GRID2: variants seen among roughly 807,000 people sequenced by gnomAD.
GRID2 encodes glutamate receptor ionotropic, delta-2.
A neutral mutation model predicts 114.8 loss-of-function variants in GRID2; 33 were observed. The observed-to-expected ratio is 0.29, with a 90% CI of 0.22 to 0.38. The LOEUF (loss-of-function observed/expected upper bound fraction) is 0.38, where lower values mean the gene tolerates loss of function less well. Among genes scored for constraint, GRID2 ranks in the 10% least tolerant of loss-of-function variants. The probability of loss-of-function intolerance (pLI) is 1.00; values close to 1 mark genes in which losing one functional copy is unlikely to be tolerated. For synonymous variants in GRID2, 505 were observed against 449.9 expected, an observed-to-expected ratio of 1.12 and a Z score of -1.55; for missense variants, 1,184 against 1,257.7, an observed-to-expected ratio of 0.94 and a Z score of 0.89.
At chr4:93,288,851 G>A (rs1057175527) in intron 8 of GRID2, among the ~76,000 whole-genome samples, 1 of 152,070 alleles carries the variant, frequency 6.6e-6, no homozygotes, top group African/African-American at 2.4e-5. Flanking sequence ...CCTGTATTGT[G>A]TGAATAGCAG....
intron 8 of GRID2, among the ~76,000 whole-genome samples, chr4:93,294,743 A>G (rs1754112005): frequency 6.6e-6 from 1 of 151,896 alleles, no homozygotes; most frequent in Non-Finnish European, 1.5e-5. Context: ...TATTTTCAGT[A>G]CAGATGGAGT....
intron 12 of GRID2, among the ~76,000 whole-genome samples, chr4:93,496,120 T>TA (rs34078987): frequency 0.32 from 44,724 of 141,632 alleles, 7,851 homozygotes; most frequent in African/African-American, 0.48. Context: ...TTCCTGATTG[T>TA]AAAAAAAAAA....
At chr4:93,726,953 T>C (rs182554441) in intron 14 of GRID2, among the ~76,000 whole-genome samples, 20 of 152,334 alleles carry the variant, frequency 1.3e-4, no homozygotes, top group African/African-American at 4.8e-4. Flanking sequence ...TGACTTCCTC[T>C]TTTCCTAAGT....
At chr4:93,037,266 A>G (rs1725017690) in intron 2 of GRID2, among the ~76,000 whole-genome samples, 1 of 152,166 alleles carries the variant, frequency 6.6e-6, no homozygotes, top group Non-Finnish European at 1.5e-5. Flanking sequence ...CTTCTTGAGG[A>G]AGGAGAAAGA....
intron 1 of GRID2, among the ~76,000 whole-genome samples, chr4:92,406,858 C>T (rs1280534330): frequency 2.0e-5 from 3 of 151,882 alleles, no homozygotes; most frequent in African/African-American, 7.3e-5. Flanking sequence ...TCAGCTACAT[C>T]CATGTTGCTG....
At chr4:92,884,934 C>G (rs1746267672) in intron 2 of GRID2, 1 of 331,032 alleles carries the variant, frequency 3.0e-6, no homozygotes, top group African/African-American at 2.2e-5. Context: ...TTTGGTCTCC[C>G]CAAAAAAAAA....
intron 2 of GRID2, among the ~76,000 whole-genome samples, chr4:92,805,089 CTAT>C (rs1740346335): frequency 6.6e-6 from 1 of 151,904 alleles, no homozygotes; most frequent in Non-Finnish European, 1.5e-5. Flanking sequence ...AGATAGGTAA[CTAT>C]TATTATCTCA....
At chr4:93,678,295 A>C (rs557326879) in intron 14 of GRID2, among the ~76,000 whole-genome samples, 1 of 152,180 alleles carries the variant, frequency 6.6e-6, no homozygotes, top group Non-Finnish European at 1.5e-5. Flanking sequence ...CCAAATCTGC[A>C]TCTGATTGGT....
chr4:92,916,741 T>G (rs560464211), intron 2 of GRID2, among the ~76,000 whole-genome samples: 15 of 152,332 alleles, frequency 9.8e-5, no homozygotes, highest in Non-Finnish European at 1.8e-4. Flanking sequence ...GTGCCACATT[T>G]TCTTAATCCA....
rs566853965 is a variant in GRID2, at chr4:92,438,174, A to C, written c.88+133430A>C. ...ATAAAAATGTATGCCAATAAATTTC[A>C]TGAATATCTCACCTTTTTTTTTCCT... On this transcript the variant is annotated intron_variant, in intron 1 of 15. Coordinates refer to ENST00000282020, the MANE Select transcript of GRID2 (RefSeq NM_001510.4). Among the ~76,000 whole-genome samples the C allele has an allele frequency of 5.3e-5, 8 of 152,304 alleles. 1 individual carries two copies. In the South Asian group the frequency reaches 1.7e-3, roughly 32 times the overall value.
intron 1 of GRID2, among the ~76,000 whole-genome samples, chr4:92,402,024 G>A (rs757583003): frequency 4.6e-5 from 7 of 152,118 alleles, no homozygotes; most frequent in East Asian, 1.9e-4. Context: ...TTTCAACAAT[G>A]TTTGCAGCAT....
At chr4:92,805,095 T>A (rs981482747) in intron 2 of GRID2, among the ~76,000 whole-genome samples, 1 of 152,032 alleles carries the variant, frequency 6.6e-6, no homozygotes, top group Non-Finnish European at 1.5e-5. Flanking sequence ...GTAACTATTA[T>A]TATCTCATTT....
intron 1 of GRID2, among the ~76,000 whole-genome samples, chr4:92,405,908 A>G (rs1048563964): frequency 1.3e-5 from 2 of 152,134 alleles, no homozygotes; most frequent in African/African-American, 2.4e-5. Context: ...AAATTACACA[A>G]TCACAAGGTC....
chr4:93,454,159 T>C (rs1722969861), intron 10 of GRID2, among the ~76,000 whole-genome samples: 1 of 152,040 alleles, frequency 6.6e-6, no homozygotes, highest in African/African-American at 2.4e-5. Flanking sequence ...CAGTTAATAA[T>C]TGTAGATCCA....
chr4:92,581,071 C>A (rs1728162391), intron 1 of GRID2, among the ~76,000 whole-genome samples: 1 of 151,692 alleles, frequency 6.6e-6, no homozygotes, highest in South Asian at 2.1e-4. Context: ...ACATAGCACA[C>A]AAGGTTCTGG....
intron 13 of GRID2, among the ~76,000 whole-genome samples, chr4:93,554,655 G>T (rs188247829): frequency 1.3e-5 from 2 of 152,222 alleles, no homozygotes; most frequent in East Asian, 3.9e-4. Flanking sequence ...AGGCTGGAGT[G>T]CAGTGATGCA....
intron 2 of GRID2, among the ~76,000 whole-genome samples, chr4:92,991,228 A>T (rs1754884812): frequency 6.6e-6 from 1 of 152,200 alleles, no homozygotes; most frequent in Admixed American, 6.5e-5. Context: ...GGCTGTAATA[A>T]TCATGGTTTG....
At chr4:92,484,057 T>A (rs1722746555) in intron 1 of GRID2, among the ~76,000 whole-genome samples, 1 of 152,188 alleles carries the variant, frequency 6.6e-6, no homozygotes, top group Non-Finnish European at 1.5e-5. Context: ...ATTTGTATGT[T>A]TTTATTCACA....
chr4:93,537,895 C>T (rs1456155312), intron 13 of GRID2, among the ~76,000 whole-genome samples: 3 of 151,608 alleles, frequency 2.0e-5, no homozygotes, highest in East Asian at 1.9e-4. Flanking sequence ...CTTTTTATCT[C>T]GTTTTTACCT....
Sources: allele counts gnomAD v4.1 joint callset (sites outside exome capture counted in the v4.1 genomes callset), GRCh38; gene constraint gnomAD v4.1.1; transcripts MANE v1.5; gene names NCBI Gene and HGNC (gene_info 2026-07-23, HGNC 2026-07-21).